CEMIP: variants seen among roughly 807,000 people sequenced by gnomAD.
The protein encoded by CEMIP is cell migration-inducing and hyaluronan-binding protein.
A neutral mutation model predicts 156.9 loss-of-function variants in CEMIP; 105 were observed. The ratio of observed to expected loss-of-function variants is 0.67; its 90% confidence interval spans 0.57 to 0.79. The LOEUF (loss-of-function observed/expected upper bound fraction) is 0.79. CEMIP is among the 30% of genes least tolerant of loss of function. CEMIP has a pLI of 0.00. For synonymous variants in CEMIP, 676 were observed against 668.4 expected (o/e 1.01, Z -0.17); for missense variants, 1,457 against 1,769.4 (o/e 0.82, Z 3.17).
chr15:80,920,255 G>A lies in CEMIP; in HGVS notation c.1959G>A (p.Glu653=). The A allele has an allele frequency of 1.9e-6, 3 of 1,614,214 alleles. No individual in the cohort carries two copies. The highest frequency in any genetic ancestry group is 2.5e-6 in the Non-Finnish European group (3 of 1,180,044). Reference sequence around the variant, plus strand: ...GCAAGATGTGCAAGATGATCACAGAGGACTCCTACCCGGGGTACATCCCCA... The same window carrying A: ...GCAAGATGTGCAAGATGATCACAGAAGACTCCTACCCGGGGTACATCCCCA... ...RDSKMCKMIT[E]DSYPGYIPKP... The change falls in exon 15 of 30, where the codon GAG becomes GAA. Residue 653 remains glutamate, a synonymous_variant. Transcript: ENST00000394685.
rs77677035 is a variant in CEMIP, at chr15:80,897,224, G to A, written c.1411+1164G>A. ...AATATGGGGTTGGGAGAAAGACCAT[G>A]GATTGAGAAAGCGTATCCAATATAC... is the stretch of plus-strand genomic sequence containing the variant. On this transcript the variant is annotated intron_variant, in intron 12 of 29. Transcript: ENST00000394685. The A allele has an allele frequency of 3.0e-3, 1,358 of 455,450 alleles. 26 individuals carry two copies. The highest frequency in any genetic ancestry group is 0.025 in the Admixed American group (1,072 of 42,546). 28.2% of individuals were successfully genotyped at this position (455,450 alleles called of 1,614,324 possible).
intron 27 of CEMIP, 21 bp downstream of exon 27, chr15:80,942,358 G>A: frequency 6.2e-7 from 1 of 1,600,448 alleles, no homozygotes; most frequent in Non-Finnish European, 8.6e-7. Context: ...CTGGCCCCTG[G>A]AGGATTCGGG....
At chr15:80,804,965 G>A (rs1567053375) in intron 1 of CEMIP, among the ~76,000 whole-genome samples, 2 of 152,052 alleles carry the variant, frequency 1.3e-5, no homozygotes, top group Non-Finnish European at 2.9e-5. Context: ...ATCCAAAGCT[G>A]GGAGCAAGTC....
At chr15:80,796,133 T>G (rs1259750522) in intron 1 of CEMIP, among the ~76,000 whole-genome samples, 2 of 152,150 alleles carry the variant, frequency 1.3e-5, no homozygotes, top group East Asian at 3.8e-4. Flanking sequence ...TCTTTTTTGT[T>G]TATTTATTTA....
chr15:80,797,069 T>C lies in CEMIP; in HGVS notation c.-176+17455T>C, dbSNP rs182090922. ...AGAGATGAGGCTCTGGCATGAAAGA[T>C]GTCCAGAGAAGTCTTATTAGGTAAG... On this transcript the variant is annotated intron_variant, in intron 1 of 29. Transcript: ENST00000394685. 9.3e-4 allele frequency among the ~76,000 whole-genome samples: 142 copies of C among 152,230 alleles called. 1 individual carries two copies. The highest frequency in any genetic ancestry group is 3.2e-3 in the African/African-American group (133 of 41,550).
At chr15:80,787,948 T>C (rs887105876) in intron 1 of CEMIP, among the ~76,000 whole-genome samples, 1 of 152,172 alleles carries the variant, frequency 6.6e-6, no homozygotes, top group African/African-American at 2.4e-5. Flanking sequence ...AAGCATTACT[T>C]GTTTGCCTTC....
At chr15:80,895,797 GA>G in intron 11 of CEMIP, 71 bp from the exon 12 acceptor site, 2 of 1,442,528 alleles carry the variant, frequency 1.4e-6, no homozygotes. Flanking sequence ...GAGGGGAAGG[GA>G]AAAAAGAGGT....
rs146635298 is a variant in CEMIP at position 80,881,101 on chromosome 15, C to T, written c.582C>T (p.Ile194=). Residue 194 remains isoleucine (I), a synonymous_variant, in exon 6 of 30, where the codon ATC becomes ATT. Transcript: ENST00000394685. Reference sequence around the variant, plus strand: ...ACCGTGGAGTTATTGTTCATGTCATCGACCCCAAATCAGGCACAGTCATCC... The same window carrying T: ...ACCGTGGAGTTATTGTTCATGTCATTGACCCCAAATCAGGCACAGTCATCC... ...WGHRGVIVHV[I]DPKSGTVIHS... 1.2e-4 allele frequency: 195 copies of T among 1,614,150 alleles called. No individual in the cohort carries two copies. In the African/African-American group the frequency reaches 1.4e-3, roughly 12 times the overall value.
At chr15:80,872,259 C>T (rs529541020) in intron 1 of CEMIP, among the ~76,000 whole-genome samples, 2 of 152,332 alleles carry the variant, frequency 1.3e-5, no homozygotes, top group Middle Eastern at 6.8e-3. Flanking sequence ...CTGGGCACAA[C>T]TACAGTCATA....
At chr15:80,917,497 G>C (rs922367642) in intron 14 of CEMIP, among the ~76,000 whole-genome samples, 1 of 152,192 alleles carries the variant, frequency 6.6e-6, no homozygotes, top group African/African-American at 2.4e-5. Context: ...TCCCATGCTT[G>C]TCTGTCCAGG....
At chr15:80,883,203 A>G (rs1596156584) in intron 6 of CEMIP, among the ~76,000 whole-genome samples, 1 of 152,238 alleles carries the variant, frequency 6.6e-6, no homozygotes, top group Admixed American at 6.5e-5. Flanking sequence ...CTGTAATTGC[A>G]TAAAATCTTT....
At chr15:80,902,488 G>A (rs1388838067) in intron 12 of CEMIP, among the ~76,000 whole-genome samples, 2 of 152,168 alleles carry the variant, frequency 1.3e-5, no homozygotes, top group African/African-American at 2.4e-5. Flanking sequence ...CTCATCTCTC[G>A]GATAGCAGCC....
At chr15:80,789,591 G>A (rs28671521) in intron 1 of CEMIP, among the ~76,000 whole-genome samples, 17,611 of 152,026 alleles carry the variant, frequency 0.12, 1,467 homozygotes, top group African/African-American at 0.24. Flanking sequence ...ATAAAAAGGC[G>A]TGGTCATCTC....
At chr15:80,874,177 G>A (rs1898394427) in intron 3 of CEMIP, among the ~76,000 whole-genome samples, 1 of 152,252 alleles carries the variant, frequency 6.6e-6, no homozygotes, top group Non-Finnish European at 1.5e-5. Flanking sequence ...CAAAATGAAG[G>A]GGTTGGACTA....
At chr15:80,922,242 C>A in intron 17 of CEMIP, 105 bp downstream of exon 17, 2 of 1,444,668 alleles carry the variant, frequency 1.4e-6, no homozygotes, top group Non-Finnish European at 1.9e-6. Flanking sequence ...CTGGGAACAA[C>A]TGCATTCTTA....
intron 13 of CEMIP, among the ~76,000 whole-genome samples, chr15:80,908,619 G>A (rs1297120422): frequency 6.6e-6 from 1 of 152,156 alleles, no homozygotes; most frequent in East Asian, 1.9e-4. Flanking sequence ...TCCAGAGTCG[G>A]TGTTCCCTTT....
intron 1 of CEMIP, among the ~76,000 whole-genome samples, chr15:80,854,897 T>G (rs1243562894): frequency 1.3e-5 from 2 of 152,208 alleles, no homozygotes; most frequent in Non-Finnish European, 2.9e-5. Context: ...AAGTGGCACA[T>G]GCAGGGGTCA....
intron 1 of CEMIP, among the ~76,000 whole-genome samples, chr15:80,796,100 C>T (rs1357707704): frequency 6.6e-6 from 1 of 152,074 alleles, no homozygotes. Flanking sequence ...TTAATAAGAG[C>T]TTACCAGGAT....
At chr15:80,859,143 A>T (rs140683496) in intron 1 of CEMIP, among the ~76,000 whole-genome samples, 2 of 152,276 alleles carry the variant, frequency 1.3e-5, no homozygotes, top group African/African-American at 4.8e-5. Context: ...AGGGGAATGG[A>T]TCTATTCATT....
Sources: allele counts gnomAD v4.1 joint callset (sites outside exome capture counted in the v4.1 genomes callset), GRCh38; gene constraint gnomAD v4.1.1; transcripts MANE v1.5; gene names NCBI Gene and HGNC (gene_info 2026-07-23, HGNC 2026-07-21).